The following UBE2U variants were observed in gnomAD, a reference collection of about 807,000 sequenced individuals.
The protein encoded by UBE2U is ubiquitin-conjugating enzyme E2 U.
UBE2U carries 39 observed loss-of-function variants against 41.2 expected under a neutral mutation model. That is an observed-to-expected ratio of 0.95 (90% CI 0.73 to 1.24). UBE2U has a LOEUF of 1.24. Among genes scored for constraint, UBE2U ranks in the 50% most tolerant of loss-of-function variants. The pLI is 0.00. For missense variants in UBE2U, 336 were observed against 363.1 expected, an observed-to-expected ratio of 0.93 and a Z score of 0.61; for synonymous variants, 107 against 117.8, an observed-to-expected ratio of 0.91 and a Z score of 0.60.
At chr1:64,235,212 G>A (rs140529764) in intron 7 of UBE2U, among the ~76,000 whole-genome samples, 39 of 152,262 alleles carry the variant, frequency 2.6e-4, no homozygotes, top group South Asian at 1.7e-3. Context: ...CACTAACCTA[G>A]TATGTGATTC....
Position 64,218,446 on chromosome 1 carries a change from G to A in UBE2U, c.458-2413G>A, listed in dbSNP as rs371208732. On this transcript the variant is annotated intron_variant, in intron 5 of 9. Coordinates refer to ENST00000371077, the MANE Select transcript of UBE2U (RefSeq NM_001366232.2). ...TTTATTTTCTATCAAAGAAATATAT[G>A]TTGATAGTTTTAGAGGACAAATAAT... Among the ~76,000 whole-genome samples, 66 of 152,270 alleles carry A rather than the reference G, an allele frequency of 4.3e-4. No homozygotes were observed. The South Asian group carries it at 0.013, about 31-fold the overall frequency.
intron 3 of UBE2U, among the ~76,000 whole-genome samples, chr1:64,207,279 T>C (rs1024367645): frequency 6.6e-6 from 1 of 152,160 alleles, no homozygotes; most frequent in African/African-American, 2.4e-5. Flanking sequence ...GCCTCCCCAG[T>C]AGCTGGGACT....
At chr1:64,252,276 G>C (rs1416625531) in intron 8 of UBE2U, among the ~76,000 whole-genome samples, 1 of 152,078 alleles carries the variant, frequency 6.6e-6, no homozygotes, top group Admixed American at 6.6e-5. Flanking sequence ...CTGAGGGGAG[G>C]GGTGGCCACC....
At chr1:64,249,549 A>G (rs1031072012) in intron 8 of UBE2U, among the ~76,000 whole-genome samples, 2 of 152,034 alleles carry the variant, frequency 1.3e-5, no homozygotes, top group African/African-American at 4.8e-5. Flanking sequence ...ATACTGAATT[A>G]TCTAAAGAAA....
chr1:64,242,549 C>T lies in UBE2U; in HGVS notation c.677+816C>T, dbSNP rs1244425949. ...GGAAATACACGATGAATAAAGATAA[C>T]GTGCTGTATTTTGAATTTCTGAAGC... On this transcript the variant is annotated intron_variant, in intron 8 of 9. Coordinates refer to ENST00000371077, the MANE Select transcript of UBE2U (RefSeq NM_001366232.2). 4.6e-5 allele frequency among the ~76,000 whole-genome samples: 7 copies of T among 152,094 alleles called. No individual in the cohort carries two copies. The East Asian group carries it at 7.7e-4, about 17-fold the overall frequency.
chr1:64,250,806 T>C (rs1057133861), intron 8 of UBE2U, among the ~76,000 whole-genome samples: 2 of 149,972 alleles, frequency 1.3e-5, no homozygotes, highest in African/African-American at 4.9e-5. Flanking sequence ...AGCAAACTAT[T>C]GCAAGGACAA....
At chr1:64,224,628 CAGGAGAATCGCTTGAACCCGGG>C (rs1189433033) in intron 6 of UBE2U, among the ~76,000 whole-genome samples, 1 of 151,632 alleles carries the variant, frequency 6.6e-6, no homozygotes, top group Non-Finnish European at 1.5e-5. Context: ...GAGGCTGAGT[CAGGAGAATCGCTTGAACCCGGG>C]AGGTGGAGGT....
intron 9 of UBE2U, among the ~76,000 whole-genome samples, chr1:64,262,068 G>A (rs1276246157): frequency 6.6e-6 from 1 of 152,074 alleles, no homozygotes; most frequent in Non-Finnish European, 1.5e-5. Flanking sequence ...GGTCATGATT[G>A]TTTGTTCCCT....
At chr1:64,256,015 A>T (rs953477626) in intron 8 of UBE2U, among the ~76,000 whole-genome samples, 1 of 152,176 alleles carries the variant, frequency 6.6e-6, no homozygotes, top group African/African-American at 2.4e-5. Context: ...ATGAACTCCC[A>T]TTCACAATTG....
chr1:64,216,119 A>G (rs1185505761), intron 5 of UBE2U, among the ~76,000 whole-genome samples: 1 of 152,142 alleles, frequency 6.6e-6, no homozygotes, highest in African/African-American at 2.4e-5. Flanking sequence ...GACCAAGTTC[A>G]ATTGCTCCTC....
At chr1:64,227,342 T>G (rs961067638) in intron 6 of UBE2U, among the ~76,000 whole-genome samples, 7 of 152,204 alleles carry the variant, frequency 4.6e-5, no homozygotes, top group Non-Finnish European at 1.0e-4. Flanking sequence ...TCTTTATTCA[T>G]AGATAACATG....
rs1651112011 is a variant in UBE2U, at chr1:64,203,701, C to T, written c.-350C>T. On this transcript the variant is annotated 5_prime_UTR_variant, in exon 1 of 10. Coordinates refer to ENST00000371077, the MANE Select transcript of UBE2U (RefSeq NM_001366232.2). ...GACAACCTGCTAGGACCCTGATAGG[C>T]GTACACCTCTCACTCCCACTCACGC... 1 of 197,294 alleles carries T rather than the reference C, an allele frequency of 5.1e-6. No individual in the cohort carries two copies. Among genetic ancestry groups the T allele is most frequent in the Non-Finnish European group, 1.0e-5 (1 of 97,928 alleles). The allele number at this position is 197,294 out of a possible 1,614,324, so 12.2% of individuals were successfully genotyped here.
rs1249325541 is a variant in UBE2U, at chr1:64,267,300, AT to A, written c.*100del. ...GGAAGACTCTCAGAACTTGGATTTCATTTTTTTTAAGTTGTTCTCACCCACT... is the reference window on the plus strand; with the variant it reads ...GGAAGACTCTCAGAACTTGGATTTCATTTTTTTAAGTTGTTCTCACCCACT... On this transcript the variant is annotated 3_prime_UTR_variant, in exon 10 of 10. Transcript: ENST00000371077. 50 of 1,110,934 alleles carry A rather than the reference AT, an allele frequency of 4.5e-5. No individual in the cohort carries two copies. The highest frequency in any genetic ancestry group is 6.1e-5 in the South Asian group (3 of 49,476). 68.8% of individuals were successfully genotyped at this position (1,110,934 alleles called of 1,614,324 possible). A position where few individuals can be genotyped will look rare whatever the true frequency, so the allele number is the denominator to read the frequency against.
chr1:64,233,094 G>T (rs1270677548), intron 7 of UBE2U, among the ~76,000 whole-genome samples: 1 of 151,470 alleles, frequency 6.6e-6, no homozygotes, highest in Admixed American at 6.6e-5. Flanking sequence ...TACAAGCTCC[G>T]CCTCCCAGGT....
chr1:64,226,070 T>G (rs1332384339), intron 6 of UBE2U, among the ~76,000 whole-genome samples: 1 of 152,208 alleles, frequency 6.6e-6, no homozygotes, highest in Non-Finnish European at 1.5e-5. Context: ...ACACAAATGT[T>G]CGTAGCAGCT....
At chr1:64,229,681 C>G (rs547587474) in intron 6 of UBE2U, among the ~76,000 whole-genome samples, 5 of 152,290 alleles carry the variant, frequency 3.3e-5, no homozygotes, top group African/African-American at 1.2e-4. Context: ...GTTAGGCTTT[C>G]GTTGTGGCTG....
At chr1:64,216,979 C>A (rs1652067057) in intron 5 of UBE2U, among the ~76,000 whole-genome samples, 1 of 152,188 alleles carries the variant, frequency 6.6e-6, no homozygotes, top group Non-Finnish European at 1.5e-5. Flanking sequence ...TTGCAGTGTA[C>A]CAGTTTGAAC....
intron 8 of UBE2U, among the ~76,000 whole-genome samples, chr1:64,244,921 TG>T (rs546594784): frequency 2.0e-4 from 30 of 152,332 alleles, no homozygotes; most frequent in South Asian, 1.9e-3. Context: ...GGATTAAATG[TG>T]AAGAAAGTTC....
intron 7 of UBE2U, among the ~76,000 whole-genome samples, chr1:64,239,391 T>G (rs1169601919): frequency 6.6e-6 from 1 of 152,106 alleles, no homozygotes; most frequent in African/African-American, 2.4e-5. Context: ...TTATTATACT[T>G]TAAGTTCTAG....
Sources: gnomAD v4.1 joint callset for allele counts (sites outside exome capture counted in the v4.1 genomes callset) on GRCh38, gnomAD v4.1.1 for gene constraint, MANE v1.5 for transcripts, NCBI Gene and HGNC (gene_info 2026-07-23, HGNC 2026-07-21) for gene names.